Variants in SEMA3E observed in about 807,000 individuals in gnomAD.
SEMA3E encodes the protein semaphorin 3E, also known as semaphorin-3E.
Under a neutral mutation model 93.6 loss-of-function variants are expected in SEMA3E, and 49 were observed. The ratio of observed to expected loss-of-function variants is 0.52; its 90% CI spans 0.42 to 0.66. The LOEUF (loss-of-function observed/expected upper bound fraction) is 0.66. Ranked by LOEUF, SEMA3E falls within the 30% of genes least tolerant of loss-of-function variation. SEMA3E has a pLI of 0.00. For missense variants in SEMA3E, 906 were observed against 964.8 expected (o/e 0.94, Z 0.81); for synonymous variants, 363 against 330.7 (o/e 1.10, Z -1.06).
At chr7:83,444,367 G>A (rs2115795160) in intron 4 of SEMA3E, among the ~76,000 whole-genome samples, 1 of 152,212 alleles carries the variant, frequency 6.6e-6, no homozygotes, top group African/African-American at 2.4e-5. Context: ...TTGTCAAGAG[G>A]TCCTCCCTCC....
intron 1 of SEMA3E, among the ~76,000 whole-genome samples, chr7:83,640,919 T>C (rs1430226840): frequency 6.8e-6 from 1 of 147,212 alleles, no homozygotes. Context: ...ACAAGACAGA[T>C]AGAAGGAGGA....
intron 1 of SEMA3E, among the ~76,000 whole-genome samples, chr7:83,621,454 T>G (rs1245948153): frequency 6.6e-6 from 1 of 152,004 alleles, no homozygotes; most frequent in Non-Finnish European, 1.5e-5. Flanking sequence ...CCATTCCCAT[T>G]AAACTACCAC....
intron 16 of SEMA3E, among the ~76,000 whole-genome samples, chr7:83,368,299 T>A (rs1051741838): frequency 3.4e-4 from 52 of 151,762 alleles, no homozygotes; most frequent in African/African-American, 1.3e-3. Flanking sequence ...TCATTTTATA[T>A]CAATACTGTA....
At chr7:83,424,389 T>C (rs1788728801) in intron 4 of SEMA3E, among the ~76,000 whole-genome samples, 1 of 152,212 alleles carries the variant, frequency 6.6e-6, no homozygotes, top group Admixed American at 6.5e-5. Flanking sequence ...TACTACAGTA[T>C]GATGTCATTA....
intron 1 of SEMA3E, among the ~76,000 whole-genome samples, chr7:83,543,514 C>A (rs956255131): frequency 1.3e-5 from 2 of 152,074 alleles, no homozygotes; most frequent in African/African-American, 4.8e-5. Context: ...CATCTAATGT[C>A]ATTCTCTTAA....
At chr7:83,603,119 T>C (rs1793032836) in intron 1 of SEMA3E, among the ~76,000 whole-genome samples, 1 of 152,204 alleles carries the variant, frequency 6.6e-6, no homozygotes, top group Non-Finnish European at 1.5e-5. Context: ...CAACCCAATA[T>C]TGTATTTCTT....
chr7:83,437,341 T>G (rs547240047), intron 4 of SEMA3E, among the ~76,000 whole-genome samples: 21 of 152,158 alleles, frequency 1.4e-4, no homozygotes, highest in African/African-American at 5.1e-4. Context: ...ACAATTAAAG[T>G]AATTAAAAAA....
intron 4 of SEMA3E, among the ~76,000 whole-genome samples, chr7:83,464,880 G>A (rs1236840770): frequency 2.7e-4 from 40 of 148,430 alleles, no homozygotes; most frequent in African/African-American, 8.9e-4. Context: ...AAAAATTTTC[G>A]CCGCCCCAAC....
intron 2 of SEMA3E, among the ~76,000 whole-genome samples, chr7:83,469,554 C>G (rs935432736): frequency 2.0e-5 from 3 of 151,932 alleles, no homozygotes; most frequent in Non-Finnish European, 4.4e-5. Flanking sequence ...CAAGTCTTGG[C>G]CCTTCAGAGG....
At position 83,507,909 on chromosome 7, in the gene SEMA3E, C is replaced by T. The variant is rs768200379; in HGVS notation, c.116-17635G>A. ...GAGGCTGCAGTGAGCATGGCCACACCACTGCACTCCAGCCTGGGTGACAAA... is the reference window on the plus strand; with the variant it reads ...GAGGCTGCAGTGAGCATGGCCACACTACTGCACTCCAGCCTGGGTGACAAA... On this transcript the variant is annotated intron_variant, in intron 1 of 16. Transcript: ENST00000643230. 4.3e-4 allele frequency among the ~76,000 whole-genome samples: 65 copies of T among 152,208 alleles called. 1 individual carries two copies. Among genetic ancestry groups the T allele is most frequent in the Middle Eastern group, 3.4e-3 (1 of 294 alleles).
chr7:83,581,601 G>C (rs543864077), intron 1 of SEMA3E, among the ~76,000 whole-genome samples: 20 of 151,878 alleles, frequency 1.3e-4, no homozygotes, highest in South Asian at 6.2e-4. Flanking sequence ...TTGCACCATG[G>C]AAAAGCAATT....
At chr7:83,481,275 C>G (rs778077932) in intron 2 of SEMA3E, among the ~76,000 whole-genome samples, 31 of 151,958 alleles carry the variant, frequency 2.0e-4, no homozygotes, top group Non-Finnish European at 3.8e-4. Flanking sequence ...ATCAGAAAGT[C>G]TCAGATGCTT....
intron 1 of SEMA3E, among the ~76,000 whole-genome samples, chr7:83,490,843 G>A (rs752494422): frequency 5.3e-4 from 80 of 151,976 alleles, no homozygotes; most frequent in Non-Finnish European, 1.0e-3. Context: ...TCTTGCATTC[G>A]TGCCTATGCC....
rs61729608 is a variant in SEMA3E, at chr7:83,386,996, T to A, written c.1722A>T (p.Gly574=). The A allele has an allele frequency of 9.0e-4, 1,449 of 1,613,334 alleles. 10 individuals are homozygous for A. In the African/African-American group the frequency reaches 0.017, roughly 19 times the overall value. Residue 574 remains glycine, a synonymous_variant, in exon 15 of 17, where the codon GGA becomes GGT. Coordinates refer to ENST00000643230, the MANE Select transcript of SEMA3E (RefSeq NM_012431.3). ...TCTATGGATTACCAACAAACTGTTG[T>A]CCAAAGCACTGCTGAGCTGCATTTC... is the stretch of plus-strand genomic sequence containing the variant. ...RHGNAAQQCF[G]QQFVGDALDK...
chr7:83,571,215 C>G (rs953830978), intron 1 of SEMA3E, among the ~76,000 whole-genome samples: 4 of 152,150 alleles, frequency 2.6e-5, no homozygotes, highest in South Asian at 2.1e-4. Context: ...CTCTCTAACT[C>G]ATTCCACAAA....
Position 83,519,132 on chromosome 7 carries a change from C to T in SEMA3E, c.116-28858G>A, listed in dbSNP as rs182854997. 5.6e-3 allele frequency among the ~76,000 whole-genome samples: 850 copies of T among 152,042 alleles called. 1 individual carries two copies. Among genetic ancestry groups the T allele is most frequent in the Admixed American group, 0.015 (229 of 15,230 alleles). On this transcript the variant is annotated intron_variant, in intron 1 of 16. Coordinates refer to ENST00000643230, the MANE Select transcript of SEMA3E (RefSeq NM_012431.3). ...GCTATCCCTCCCCGCTACCCCCACC[C>T]CACAACAGGCCCCAGAGTGTGATGT...
At chr7:83,464,131 C>G (rs1422417351) in intron 4 of SEMA3E, among the ~76,000 whole-genome samples, 2 of 151,962 alleles carry the variant, frequency 1.3e-5, no homozygotes, top group African/African-American at 4.8e-5. Context: ...TCAGTGAAAC[C>G]TTTATATCCC....
intron 1 of SEMA3E, among the ~76,000 whole-genome samples, chr7:83,542,610 C>A (rs1410545382): frequency 6.6e-6 from 1 of 151,928 alleles, no homozygotes; most frequent in East Asian, 1.9e-4. Context: ...AAAAAACTGA[C>A]CTTTTCAAAA....
intron 5 of SEMA3E, among the ~76,000 whole-genome samples, chr7:83,414,543 T>C (rs1461239696): frequency 5.3e-5 from 8 of 152,022 alleles, no homozygotes; most frequent in Non-Finnish European, 1.0e-4. Context: ...AACTTTGTAG[T>C]TTTATTTGCT....
Sources: allele counts gnomAD v4.1 joint callset (sites outside exome capture counted in the v4.1 genomes callset), GRCh38; gene constraint gnomAD v4.1.1; transcripts MANE v1.5; gene names NCBI Gene and HGNC (gene_info 2026-07-23, HGNC 2026-07-21).